DNAH11: variants seen among roughly 807,000 people sequenced by gnomAD.
The protein encoded by DNAH11 is dynein axonemal heavy chain 11, also known as axonemal beta dynein heavy chain 11.
Under a neutral mutation model 526.0 loss-of-function variants are expected in DNAH11, and 442 were observed. That is an observed-to-expected ratio of 0.84 (90% CI 0.78 to 0.91). The LOEUF is 0.91. Ranked by LOEUF, DNAH11 falls within the 40% of genes least tolerant of loss-of-function variation. DNAH11 has a pLI of 0.00. For missense variants in DNAH11, 6,989 were observed against 5,448.7 expected, an observed-to-expected ratio of 1.28 and a Z score of -8.90; for synonymous variants, 2,461 against 1,935.9, an observed-to-expected ratio of 1.27 and a Z score of -7.12.
At chr7:21,688,072 A>G (rs551140713) in intron 34 of DNAH11, among the ~76,000 whole-genome samples, 72 of 152,222 alleles carry the variant, frequency 4.7e-4, no homozygotes, top group Non-Finnish European at 5.9e-5. Context: ...CAAAAAACCC[A>G]AAAGACTTCT....
intron 14 of DNAH11, among the ~76,000 whole-genome samples, chr7:21,595,337 C>T (rs1784824560): frequency 6.6e-6 from 1 of 152,182 alleles, no homozygotes; most frequent in African/African-American, 2.4e-5. Flanking sequence ...TTGGGATTTT[C>T]ACATTCAAAT....
rs548629861 is a variant in DNAH11, at chr7:21,834,505, T to C, written c.10692-8039T>C. On this transcript the variant is annotated intron_variant, in intron 65 of 81. Coordinates refer to ENST00000409508, the MANE Select transcript of DNAH11 (RefSeq NM_001277115.2). Reference sequence around the variant, plus strand: ...GAAGATCAGAATAGAAAAAACAAAATAGAGAATAAAAGAAATACAAAAGAT... The same window carrying C: ...GAAGATCAGAATAGAAAAAACAAAACAGAGAATAAAAGAAATACAAAAGAT... Among the ~76,000 whole-genome samples, 15 of 151,692 alleles carry C rather than the reference T, an allele frequency of 9.9e-5. 1 individual carries two copies. The South Asian group carries it at 1.5e-3, about 15-fold the overall frequency.
At chr7:21,630,304 A>C (rs1786545749) in intron 25 of DNAH11, among the ~76,000 whole-genome samples, 2 of 151,662 alleles carry the variant, frequency 1.3e-5, no homozygotes, top group South Asian at 4.1e-4. Context: ...ATTGTTTTTG[A>C]TAGATTTGTC....
chr7:21,658,139 G>C (rs540429076), intron 29 of DNAH11, among the ~76,000 whole-genome samples: 1 of 151,682 alleles, frequency 6.6e-6, no homozygotes, highest in Admixed American at 6.6e-5. Context: ...ATTTTTGGGC[G>C]CAAACTAAGC....
intron 73 of DNAH11, among the ~76,000 whole-genome samples, chr7:21,870,549 A>T (rs942684510): frequency 4.6e-5 from 7 of 152,206 alleles, no homozygotes; most frequent in Non-Finnish European, 1.0e-4. Flanking sequence ...AGGTTGTCTC[A>T]GAAAGGAAAG....
At chr7:21,731,424 G>A (rs1420592458) in intron 45 of DNAH11, among the ~76,000 whole-genome samples, 1 of 150,088 alleles carries the variant, frequency 6.7e-6, no homozygotes, top group East Asian at 2.0e-4. Flanking sequence ...GAAAAACTAA[G>A]TTGTAATATA....
chr7:21,885,794 C>G (rs544920249), intron 76 of DNAH11, among the ~76,000 whole-genome samples: 21 of 152,194 alleles, frequency 1.4e-4, no homozygotes, highest in African/African-American at 2.9e-4. Flanking sequence ...ATTCTTCCTT[C>G]TCTCGTGAGG....
intron 26 of DNAH11, among the ~76,000 whole-genome samples, chr7:21,636,696 A>C (rs1342954802): frequency 6.6e-6 from 1 of 152,188 alleles, no homozygotes; most frequent in Non-Finnish European, 1.5e-5. Context: ...CTATGACTGC[A>C]GCACTGCACT....
In DNAH11 at chr7:21,819,098, A is replaced by G. The variant is rs539895004; in HGVS notation, c.10691+759A>G. Among the ~76,000 whole-genome samples, 25 of 151,796 alleles carry G rather than the reference A, an allele frequency of 1.6e-4. No individual in the cohort carries two copies. The South Asian group carries it at 4.4e-3, about 27-fold the overall frequency. ...CATAGGGGAAACTGGCACTCAAGAG[A>G]CTCCTTATGCCTCTTCACACAACCG... On this transcript the variant is annotated intron_variant, in intron 65 of 81. Transcript: ENST00000409508.
In DNAH11 at chr7:21,783,286, C is replaced by A. The variant is rs144316100; in HGVS notation, c.9484-1141C>A. 6.6e-3 allele frequency among the ~76,000 whole-genome samples: 1,006 copies of A among 152,090 alleles called. 10 individuals carry two copies. The highest frequency in any genetic ancestry group is 0.01 in the Non-Finnish European group (697 of 67,982). ...TATTAGCAGGAGGCCACATATCTAC[C>A]CCGAACCAATTATGTTTATAAAAGG... On this transcript the variant is annotated intron_variant, in intron 57 of 81. Coordinates refer to ENST00000409508, the MANE Select transcript of DNAH11 (RefSeq NM_001277115.2).
chr7:21,614,361 T>TA (rs1785671424), intron 20 of DNAH11, among the ~76,000 whole-genome samples: 2 of 152,188 alleles, frequency 1.3e-5, no homozygotes, highest in Non-Finnish European at 1.5e-5. Flanking sequence ...AATTGGAAGT[T>TA]ACAGAAATAG....
intron 45 of DNAH11, 89 bp downstream of exon 45, chr7:21,726,073 G>A: frequency 1.6e-6 from 2 of 1,276,686 alleles, no homozygotes; most frequent in Non-Finnish European, 2.1e-6. Context: ...AAAGAAAAGA[G>A]GTTTAATTGG....
chr7:21,864,953 T>A (rs79853209), intron 70 of DNAH11, among the ~76,000 whole-genome samples: 1,663 of 152,340 alleles, frequency 0.011, 38 homozygotes, highest in African/African-American at 0.037. Context: ...TTTAAAAAGT[T>A]CCTTAAATCT....
At chr7:21,616,905 A>G (rs1785807751) in intron 22 of DNAH11, among the ~76,000 whole-genome samples, 1 of 152,198 alleles carries the variant, frequency 6.6e-6, no homozygotes, top group Non-Finnish European at 1.5e-5. Flanking sequence ...TAAAAGTGAC[A>G]GGACCATTTG....
Position 21,778,824 on chromosome 7 carries a change from A to G in DNAH11, c.9337-134A>G, listed in dbSNP as rs1787799386. The stretch of plus-strand genomic sequence containing the variant: ...GCTGCATTTTTGCAAATCAGAAGAC[A>G]GTGAAAATCAGGGTAGAGACAGATG... On this transcript the variant is annotated intron_variant, in intron 56 of 81. Coordinates refer to ENST00000409508, the MANE Select transcript of DNAH11 (RefSeq NM_001277115.2). 3.9e-6 allele frequency: 4 copies of G among 1,031,890 alleles called. No homozygotes were observed. In the South Asian group the frequency reaches 6.5e-5, roughly 17 times the overall value. The allele number at this position is 1,031,890 out of a possible 1,614,324, so 63.9% of individuals were successfully genotyped here. A position where few individuals can be genotyped will look rare whatever the true frequency, so the allele number is the denominator to read the frequency against.
Position 21,725,889 on chromosome 7 carries a change from A to G in DNAH11, c.7345A>G (p.Ile2449Val), listed in dbSNP as rs1236826410. 3 of 1,604,162 alleles carry G rather than the reference A, an allele frequency of 1.9e-6. No homozygotes were observed. Among genetic ancestry groups the G allele is most frequent in the Non-Finnish European group, 2.6e-6 (3 of 1,174,952 alleles). The change falls in exon 45 of 82, where the codon ATC becomes GTC. Residue 2449 changes from isoleucine (I) to valine (V), a missense_variant. Coordinates refer to ENST00000409508, the MANE Select transcript of DNAH11 (RefSeq NM_001277115.2). The part of the protein sequence containing the change: ...KAVKFPSQGT[I>V]FDYYVDHKTK... ...AGTGAAATTTCCGTCGCAGGGAACA[A>G]TCTTTGATTATTATGTGGACCACAA...
intron 48 of DNAH11, among the ~76,000 whole-genome samples, chr7:21,741,087 A>C (rs571024369): frequency 1.3e-5 from 2 of 152,328 alleles, no homozygotes; most frequent in African/African-American, 4.8e-5. Context: ...TCATTGAGTT[A>C]TAAGAAGCCT....
Position 21,894,867 on chromosome 7 carries a change from T to G in DNAH11, c.12934-17T>G, listed in dbSNP as rs754425843. The G allele has an allele frequency of 5.5e-5, 89 of 1,613,508 alleles. No homozygotes were observed. Among genetic ancestry groups the G allele is most frequent in the Non-Finnish European group, 7.4e-5 (87 of 1,179,666 alleles). On this transcript the variant is annotated splice_polypyrimidine_tract_variant and intron_variant, in intron 78 of 81. Transcript: ENST00000409508. ...ATTGGAAGATATTCACTGTGTGGCT[T>G]TTTTTCTCCATGCAAGGGGGAATTG...
intron 30 of DNAH11, among the ~76,000 whole-genome samples, chr7:21,665,807 A>G (rs1782399777): frequency 6.6e-6 from 1 of 152,104 alleles, no homozygotes; most frequent in African/African-American, 2.4e-5. Flanking sequence ...AGATGCTTTT[A>G]CTACAGTGTT....
Sources: allele counts gnomAD v4.1 joint callset (sites outside exome capture counted in the v4.1 genomes callset), GRCh38; gene constraint gnomAD v4.1.1; transcripts MANE v1.5; gene names NCBI Gene and HGNC (gene_info 2026-07-23, HGNC 2026-07-21).